The following PDK3 variants were observed in gnomAD, a reference collection of about 807,000 sequenced individuals.
PDK3 encodes pyruvate dehydrogenase kinase 3, also known as pyruvate dehydrogenase kinase, isozyme 3.
A neutral mutation model predicts 32.0 loss-of-function variants in PDK3; 12 were observed. The ratio of observed to expected loss-of-function variants is 0.37; its 90% CI spans 0.24 to 0.61. The LOEUF (loss-of-function observed/expected upper bound fraction) is 0.61. Among genes scored for constraint, PDK3 ranks in the 20% least tolerant of loss-of-function variants. The probability of loss-of-function intolerance (pLI) is 0.65; values close to 1 mark genes in which losing one functional copy is unlikely to be tolerated. For missense variants in PDK3, 188 were observed against 316.9 expected (o/e 0.59, Z 3.09); for synonymous variants, 122 against 116.3 (o/e 1.05, Z -0.31).
intron 5 of PDK3, among the ~76,000 whole-genome samples, chrX:24,508,635 G>A (rs779551532): frequency 3.6e-5 from 4 of 111,369 alleles, no homozygotes; most frequent in African/African-American, 1.3e-4. Flanking sequence ...GAACAGAATC[G>A]ATCGTTTTAT....
At chrX:24,525,947 C>A (rs766518109) in intron 6 of PDK3, among the ~76,000 whole-genome samples, 1 of 112,415 alleles carries the variant, frequency 8.9e-6, no homozygotes, top group East Asian at 2.8e-4. Context: ...TTCTGCTCAA[C>A]AAAGTTTCAA....
intron 5 of PDK3, among the ~76,000 whole-genome samples, chrX:24,510,511 T>G (rs1922091245): frequency 1.8e-5 from 2 of 112,601 alleles, no homozygotes; most frequent in East Asian, 2.8e-4. Context: ...GAACGTTGTT[T>G]TATACATTTG....
At chrX:24,542,609 C>T (rs1464789398) in exon 12 of PDK3, among the ~76,000 whole-genome samples, 2 of 112,553 alleles carry the variant, frequency 1.8e-5, no homozygotes, top group Non-Finnish European at 3.8e-5. Flanking sequence ...GAGAGGGTTT[C>T]TTTTGTGTGT....
At position 24,526,238 on chromosome X, in the gene PDK3, C is replaced by G; in HGVS notation, c.714C>G (p.Pro238=). The G allele has an allele frequency of 8.3e-7, 1 of 1,203,442 alleles. No homozygotes were observed. Among genetic ancestry groups the G allele is most frequent in the African/African-American group, 1.7e-5 (1 of 57,690 alleles). The change falls in exon 7 of 11, where the codon CCC becomes CCG. Residue 238 remains proline (P), a synonymous_variant. Transcript: ENST00000379162. ...PDKPIQVVYV[P]SHLFHMLFEL... ...AACCTATTCAGGTGGTTTATGTGCC[C>G]TCACATCTGTTTCATATGCTATTTG...
chrX:24,495,706 C>T (rs1003031151), intron 2 of PDK3, among the ~76,000 whole-genome samples: 3 of 112,339 alleles, frequency 2.7e-5, no homozygotes, highest in Non-Finnish European at 3.8e-5. Context: ...CTCTGATGGT[C>T]GTTCAAGGGT....
At chrX:24,510,309 A>G (rs776780013) in intron 5 of PDK3, among the ~76,000 whole-genome samples, 1 of 112,695 alleles carries the variant, frequency 8.9e-6, no homozygotes, top group East Asian at 2.8e-4. Context: ...TGTTTACGAT[A>G]GTAATCACAT....
exon 12 of PDK3, among the ~76,000 whole-genome samples, chrX:24,544,435 C>T (rs1440786820): frequency 1.8e-5 from 2 of 111,473 alleles, no homozygotes; most frequent in Non-Finnish European, 3.8e-5. Context: ...TTTTGGATAC[C>T]GGAGGGGATG....
chrX:24,468,588 A>T, intron 1 of PDK3, among the ~76,000 whole-genome samples: 1 of 111,758 alleles, frequency 8.9e-6, no homozygotes. Context: ...TTTTTAGGAG[A>T]TCCCCCTGTC....
intron 1 of PDK3, among the ~76,000 whole-genome samples, chrX:24,490,021 G>A (rs1447701565): frequency 8.9e-6 from 1 of 112,096 alleles, no homozygotes; most frequent in Non-Finnish European, 1.9e-5. Context: ...CTGACAGTTC[G>A]ATTGTGTATC....
At chrX:24,475,644 G>A (rs963972308) in intron 1 of PDK3, among the ~76,000 whole-genome samples, 1 of 109,494 alleles carries the variant, frequency 9.1e-6, no homozygotes, top group African/African-American at 3.3e-5. Context: ...GGACAATAGA[G>A]CAAGACCATG....
chrX:24,512,902 G>A (rs1004621361), intron 5 of PDK3, among the ~76,000 whole-genome samples: 1 of 111,379 alleles, frequency 9.0e-6, no homozygotes, highest in Non-Finnish European at 1.9e-5. Context: ...TGTACTGGAC[G>A]ACTCAGTGGC....
exon 12 of PDK3, chrX:24,548,585 C>G (rs1480425236): frequency 1.8e-5 from 2 of 112,399 alleles, no homozygotes; most frequent in African/African-American, 3.2e-5. Context: ...ATGTCTAACT[C>G]TGGCACACAG....
At chrX:24,477,063 G>A (rs1461782940) in intron 1 of PDK3, among the ~76,000 whole-genome samples, 7 of 111,907 alleles carry the variant, frequency 6.3e-5, no homozygotes, top group Admixed American at 4.8e-4. Flanking sequence ...GACTTTTGGG[G>A]TAGTGAAGGC....
chrX:24,485,066 G>A (rs755156281), intron 1 of PDK3, among the ~76,000 whole-genome samples: 1 of 111,875 alleles, frequency 8.9e-6, no homozygotes, highest in African/African-American at 3.2e-5. Flanking sequence ...CCCTTAATGG[G>A]GCCAGGCGCT....
At position 24,477,635 on chromosome X, in the gene PDK3, A is replaced by T. The variant is rs184984907; in HGVS notation, c.106+12074A>T. Among the ~76,000 whole-genome samples the T allele has an allele frequency of 3.3e-3, 369 of 111,506 alleles. 1 individual carries two copies. The highest frequency in any genetic ancestry group is 0.012 in the African/African-American group (358 of 30,686). On this transcript the variant is annotated intron_variant, in intron 1 of 10. Coordinates refer to ENST00000379162, the MANE Select transcript of PDK3 (RefSeq NM_005391.5). ...ATGCTCAGTGTTACCTATATCATTT[A>T]CGGTGCTTTTATCATGGTCAGATTT... is the stretch of plus-strand genomic sequence containing the variant.
chrX:24,540,577 C>T (rs1280620838), exon 12 of PDK3, among the ~76,000 whole-genome samples: 2 of 111,753 alleles, frequency 1.8e-5, no homozygotes, highest in Non-Finnish European at 3.8e-5. Flanking sequence ...TCTCTTAGTT[C>T]CACTGGATCT....
chrX:24,483,765 T>C (rs1161220715), intron 1 of PDK3, among the ~76,000 whole-genome samples: 5 of 111,569 alleles, frequency 4.5e-5, no homozygotes, highest in African/African-American at 1.6e-4. Flanking sequence ...TAGGCTGGAG[T>C]GCAGTGGCGC....
chrX:24,531,404 G>A lies in PDK3; in HGVS notation c.964-253G>A, dbSNP rs182171608. 1.1e-4 allele frequency among the ~76,000 whole-genome samples: 12 copies of A among 112,251 alleles called. No individual in the cohort carries two copies. In the East Asian group the frequency reaches 3.0e-3, roughly 29 times the overall value. ...AAATGATAAAATTTTGCTTTAAAATGCTAAAAAAGCATTAGTCAAAAATTA... is the reference window on the plus strand; with the variant it reads ...AAATGATAAAATTTTGCTTTAAAATACTAAAAAAGCATTAGTCAAAAATTA... On this transcript the variant is annotated intron_variant, in intron 9 of 10. Coordinates refer to ENST00000379162, the MANE Select transcript of PDK3 (RefSeq NM_005391.5).
At chrX:24,531,915 C>T (rs1006278049) in intron 10 of PDK3, 145 bp downstream of exon 10, 5 of 381,961 alleles carry the variant, frequency 1.3e-5, no homozygotes, top group African/African-American at 5.1e-5. Flanking sequence ...TTATGCCTCA[C>T]GCTTGATTCT....
Sources: allele counts gnomAD v4.1 joint callset (sites outside exome capture counted in the v4.1 genomes callset), GRCh38; gene constraint gnomAD v4.1.1; transcripts MANE v1.5; gene names NCBI Gene and HGNC (gene_info 2026-07-23, HGNC 2026-07-21).